MAP3K2: variants seen among roughly 807,000 people sequenced by gnomAD.
MAP3K2 encodes the protein MAP/ERK kinase kinase 2.
Under a neutral mutation model 80.3 loss-of-function variants are expected in MAP3K2, and 24 were observed. The observed-to-expected ratio is 0.30, with a 90% CI of 0.22 to 0.42. The LOEUF (loss-of-function observed/expected upper bound fraction) is 0.42, where lower values mean the gene tolerates loss of function less well. MAP3K2 is among the 10% of genes least tolerant of loss of function. The pLI is 1.00. For synonymous variants in MAP3K2, 244 were observed against 253.7 expected, an observed-to-expected ratio of 0.96 and a Z score of 0.36; for missense variants, 608 against 750.1, an observed-to-expected ratio of 0.81 and a Z score of 2.21.
intron 1 of MAP3K2, among the ~76,000 whole-genome samples, chr2:127,344,314 C>G (rs1686555639): frequency 6.6e-6 from 1 of 151,996 alleles, no homozygotes; most frequent in South Asian, 2.1e-4. Context: ...AAGAGGCCTA[C>G]AAGGGTAATA....
intron 1 of MAP3K2, among the ~76,000 whole-genome samples, chr2:127,379,999 T>C (rs75682762): frequency 0.012 from 1,814 of 152,296 alleles, 37 homozygotes; most frequent in African/African-American, 0.042. Flanking sequence ...AAATTACATT[T>C]AACTAAAGTA....
intron 1 of MAP3K2, among the ~76,000 whole-genome samples, chr2:127,360,563 C>T (rs1686867857): frequency 1.3e-5 from 2 of 152,118 alleles, no homozygotes; most frequent in Non-Finnish European, 2.9e-5. Flanking sequence ...TAATTATATA[C>T]TTCAAATGTG....
At chr2:127,319,505 A>G (rs1685971817) in intron 12 of MAP3K2, among the ~76,000 whole-genome samples, 1 of 152,042 alleles carries the variant, frequency 6.6e-6, no homozygotes, top group Admixed American at 6.6e-5. Context: ...TCTGAGAAGT[A>G]GGCACAAAAG....
At chr2:127,385,755 CTGTAGGAAA>C (rs1687333709) in intron 1 of MAP3K2, among the ~76,000 whole-genome samples, 1 of 141,912 alleles carries the variant, frequency 7.0e-6, no homozygotes, top group African/African-American at 2.6e-5. Context: ...GAAACCAACG[CTGTAGGAAA>C]TGCAGAGTAT....
At chr2:127,332,550 T>C (rs1686281533) in intron 5 of MAP3K2, among the ~76,000 whole-genome samples, 1 of 152,226 alleles carries the variant, frequency 6.6e-6, no homozygotes, top group African/African-American at 2.4e-5. Flanking sequence ...GGTTACCTAT[T>C]ACAAACCGTA....
chr2:127,303,682 C>T lies in MAP3K2; in HGVS notation c.*3897G>A, dbSNP rs1685640119. On this transcript the variant is annotated 3_prime_UTR_variant, in exon 17 of 17. Transcript: ENST00000682094. ...CCTCCTTAAGGATGTTAATTTAGTA[C>T]CTGACATAATAAGTTACAATTATTG... The T allele has an allele frequency of 6.6e-6, 1 of 151,884 alleles. No individual in the cohort carries two copies. The highest frequency in any genetic ancestry group is 1.5e-5 in the Non-Finnish European group (1 of 67,962). 9.4% of individuals were successfully genotyped at this position (151,884 alleles called of 1,614,324 possible).
rs1002431376 is a variant in MAP3K2, at chr2:127,302,533, T to G, written c.*5046A>C. The G allele has an allele frequency of 6.6e-6, 1 of 152,090 alleles. No individual in the cohort carries two copies. 9.4% of individuals were successfully genotyped at this position (152,090 alleles called of 1,614,324 possible). On this transcript the variant is annotated 3_prime_UTR_variant, in exon 17 of 17. Coordinates refer to ENST00000682094, the MANE Select transcript of MAP3K2 (RefSeq NM_001371910.2). ...AGAAAAGTAACTTTTCTGTGAGTAT[T>G]ACCCAAAATGTTAGCTGAGAATTAA... is the stretch of plus-strand genomic sequence containing the variant.
chr2:127,361,362 C>T (rs548286009), intron 1 of MAP3K2, among the ~76,000 whole-genome samples: 41 of 151,568 alleles, frequency 2.7e-4, no homozygotes, highest in Non-Finnish European at 5.3e-4. Context: ...AAGTGTTCTC[C>T]CAACATTTTA....
intron 1 of MAP3K2, among the ~76,000 whole-genome samples, chr2:127,370,010 C>A (rs1687034810): frequency 6.7e-6 from 1 of 148,164 alleles, no homozygotes; most frequent in African/African-American, 2.5e-5. Context: ...GTGCCTGAAA[C>A]TTTAGGTTAG....
At position 127,326,798 on chromosome 2, in the gene MAP3K2, T is replaced by A. The variant is rs1240265221; in HGVS notation, c.486A>T (p.Arg162Ser). The A allele has an allele frequency of 6.3e-7, 1 of 1,594,594 alleles. No homozygotes were observed. The highest frequency in any genetic ancestry group is 8.5e-7 in the Non-Finnish European group (1 of 1,169,728). ...GAATGTAACCTGGGGGAGGAGAACT[T>A]CTATCTCTACTAGTAGGACCTCAAG... Reference protein sequence around the residue: ...LSIIGPTSRDRSSPPPGYIPD... With the variant: ...LSIIGPTSRDSSSPPPGYIPD... The change falls in exon 8 of 17, where the codon AGA becomes AGT. Residue 162 changes from arginine (R) to serine (S), a missense_variant. This residue lies in a region of MAP3K2 where 467 missense variants were observed against 521.9 expected (regional missense o/e 0.89). Coordinates refer to ENST00000682094, the MANE Select transcript of MAP3K2 (RefSeq NM_001371910.2).
chr2:127,318,381 A>G (rs1178086641), intron 12 of MAP3K2, 64 bp from the exon 13 acceptor site: 7 of 1,300,870 alleles, frequency 5.4e-6, no homozygotes, highest in Non-Finnish European at 4.1e-6. Context: ...GTTAATAACT[A>G]AATGAGCATA....
chr2:127,317,084 A>C (rs974664282), intron 14 of MAP3K2: 1 of 144,220 alleles, frequency 6.9e-6, no homozygotes, highest in Non-Finnish European at 1.5e-5. Flanking sequence ...CCAGATCCTG[A>C]GAGTGAAGAC....
At chr2:127,371,593 A>T (rs935230535) in intron 1 of MAP3K2, among the ~76,000 whole-genome samples, 1 of 152,206 alleles carries the variant, frequency 6.6e-6, no homozygotes, top group East Asian at 1.9e-4. Context: ...CAATGCATGC[A>T]ATCAGAGGAA....
chr2:127,354,938 CACT>C (rs1310012091), intron 1 of MAP3K2, among the ~76,000 whole-genome samples: 1 of 152,002 alleles, frequency 6.6e-6, no homozygotes, highest in Admixed American at 6.6e-5. Flanking sequence ...ATGAAAATTA[CACT>C]GAATGAAATA....
At position 127,338,003 on chromosome 2, in the gene MAP3K2, CA is replaced by C. The variant is rs142415716; in HGVS notation, c.124-226del. ...ATCTGGGCTCAACAGGAAAGAACAC[CA>C]AGATCTATTAGTGAAGGTACCAGGA... On this transcript the variant is annotated intron_variant, in intron 3 of 16. Coordinates refer to ENST00000682094, the MANE Select transcript of MAP3K2 (RefSeq NM_001371910.2). Among the ~76,000 whole-genome samples the C allele has an allele frequency of 2.3e-3, 353 of 152,228 alleles. 1 individual carries two copies. Among genetic ancestry groups the C allele is most frequent in the African/African-American group, 7.7e-3 (320 of 41,556 alleles).
rs147438987 is a variant in MAP3K2, at chr2:127,382,916, C to A, written c.-66+4536G>T. Among the ~76,000 whole-genome samples, 26 of 152,320 alleles carry A rather than the reference C, an allele frequency of 1.7e-4. No individual in the cohort carries two copies. The East Asian group carries it at 5.0e-3, about 29-fold the overall frequency. Reference sequence around the variant, plus strand: ...TTCTTGCATTGCTCTTAAGAAAAACCTCAGGCTTGGTAATTTATAAAGAAG... The same window carrying A: ...TTCTTGCATTGCTCTTAAGAAAAACATCAGGCTTGGTAATTTATAAAGAAG... On this transcript the variant is annotated intron_variant, in intron 1 of 16. Coordinates refer to ENST00000682094, the MANE Select transcript of MAP3K2 (RefSeq NM_001371910.2).
At chr2:127,376,194 T>C (rs1047543393) in intron 1 of MAP3K2, among the ~76,000 whole-genome samples, 9 of 152,126 alleles carry the variant, frequency 5.9e-5, no homozygotes, top group African/African-American at 2.2e-4. Context: ...CAGATTCTCT[T>C]ATCCGGTGCC....
rs146644601 is a variant in MAP3K2, at chr2:127,344,295, C to A, written c.-65-1101G>T. Among the ~76,000 whole-genome samples, 417 of 152,194 alleles carry A rather than the reference C, an allele frequency of 2.7e-3. 3 individuals carry two copies. The highest frequency in any genetic ancestry group is 5.1e-3 in the Non-Finnish European group (345 of 68,006). On this transcript the variant is annotated intron_variant, in intron 1 of 16. Coordinates refer to ENST00000682094, the MANE Select transcript of MAP3K2 (RefSeq NM_001371910.2). ...TATCTTTTCCATGCATGCCCAAATTCCCCCATGCAAGAGGCCTACAAGGGT... is the reference window on the plus strand; with the variant it reads ...TATCTTTTCCATGCATGCCCAAATTACCCCATGCAAGAGGCCTACAAGGGT...
At chr2:127,355,360 A>G (rs191425123) in intron 1 of MAP3K2, among the ~76,000 whole-genome samples, 9 of 152,302 alleles carry the variant, frequency 5.9e-5, no homozygotes, top group Admixed American at 5.2e-4. Flanking sequence ...TCATTAAAGT[A>G]AAGGTATACC....
Sources: gnomAD v4.1 joint callset for allele counts (sites outside exome capture counted in the v4.1 genomes callset) on GRCh38, gnomAD v4.1.1 for gene constraint, gnomAD v4.1.1 regional missense constraint, MANE v1.5 for transcripts, NCBI Gene and HGNC (gene_info 2026-07-23, HGNC 2026-07-21) for gene names.